NUGGC: variants seen among roughly 807,000 people sequenced by gnomAD.
NUGGC encodes nuclear GTPase, germinal center associated.
NUGGC carries 58 observed loss-of-function variants against 92.6 expected under a neutral mutation model. The ratio of observed to expected loss-of-function variants is 0.63; its 90% CI spans 0.51 to 0.78. NUGGC has a LOEUF of 0.78. NUGGC is among the 30% of genes least tolerant of loss of function. The pLI is 0.00. For missense variants in NUGGC, 925 were observed against 964.6 expected (o/e 0.96, Z 0.54); for synonymous variants, 376 against 366.4 (o/e 1.03, Z -0.30).
intron 1 of NUGGC, among the ~76,000 whole-genome samples, chr8:28,075,162 T>C (rs1810689385): frequency 6.6e-6 from 1 of 152,094 alleles, no homozygotes; most frequent in African/African-American, 2.4e-5. Flanking sequence ...ACATTAGATA[T>C]TCCTAGAGTT....
chr8:28,027,995 A>G (rs190061602), intron 17 of NUGGC, among the ~76,000 whole-genome samples: 1 of 152,326 alleles, frequency 6.6e-6, no homozygotes, highest in African/African-American at 2.4e-5. Flanking sequence ...TATGTATAAA[A>G]AGAAATTTCA....
chr8:28,031,737 G>A (rs939559989), intron 14 of NUGGC, among the ~76,000 whole-genome samples: 3 of 152,174 alleles, frequency 2.0e-5, no homozygotes, highest in Non-Finnish European at 4.4e-5. Flanking sequence ...TGAAAGGGTG[G>A]AACTTGAACT....
chr8:28,082,411 T>G (rs1196456993), intron 1 of NUGGC, among the ~76,000 whole-genome samples: 1 of 152,218 alleles, frequency 6.6e-6, no homozygotes, highest in Admixed American at 6.5e-5. Flanking sequence ...CCCAAGCTTG[T>G]TAAAGCTAAT....
intron 6 of NUGGC, among the ~76,000 whole-genome samples, chr8:28,066,003 T>A (rs199769838): frequency 6.6e-6 from 1 of 151,494 alleles, no homozygotes; most frequent in Non-Finnish European, 1.5e-5. Context: ...GTAGAAGGCC[T>A]TGATTCTAGG....
intron 6 of NUGGC, 110 bp downstream of exon 6, chr8:28,067,404 A>AT (rs1810463387): frequency 1.4e-6 from 1 of 711,126 alleles, no homozygotes; most frequent in South Asian, 1.9e-5. Context: ...GTAGCAACTT[A>AT]TTTCTTATTT....
chr8:28,049,775 G>T (rs1809941313), intron 10 of NUGGC, among the ~76,000 whole-genome samples: 1 of 152,198 alleles, frequency 6.6e-6, no homozygotes, highest in African/African-American at 2.4e-5. Flanking sequence ...TGAGAGAGGA[G>T]AAAACGTGGA....
In NUGGC at chr8:28,067,763, G is replaced by T. The variant is rs760659338; in HGVS notation, c.481-19C>A. The T allele has an allele frequency of 3.2e-6, 5 of 1,578,228 alleles. No homozygotes were observed. In the African/African-American group the frequency reaches 5.4e-5, roughly 17 times the overall value. ...TCCACTCCTGCCAAGGCAGAGTAGG[G>T]CCAAGCCCCTCTTGACACAGACACA... On this transcript the variant is annotated intron_variant, in intron 5 of 18. Transcript: ENST00000413272.
intron 9 of NUGGC, among the ~76,000 whole-genome samples, chr8:28,057,042 T>C (rs1431289636): frequency 2.0e-5 from 3 of 152,206 alleles, no homozygotes; most frequent in Non-Finnish European, 2.9e-5. Flanking sequence ...GCAGTTCTCA[T>C]GTATTTTTCA....
Position 28,023,200 on chromosome 8 carries a change from T to G in NUGGC, c.*117A>C. ...CTGCAGTGAGCTGTGATGGTGCCAC[T>G]GCACTCCAGCCTGGGCAACAGAGGT... On this transcript the variant is annotated 3_prime_UTR_variant, in exon 19 of 19. Transcript: ENST00000413272. 8.6e-7 allele frequency: 1 copy of G among 1,157,802 alleles called. No homozygotes were observed. Among genetic ancestry groups the G allele is most frequent in the Non-Finnish European group, 1.2e-6 (1 of 834,590 alleles). The allele number at this position is 1,157,802 out of a possible 1,614,324, so 71.7% of individuals were successfully genotyped here. A position where few individuals can be genotyped will look rare whatever the true frequency, so the allele number is the denominator to read the frequency against.
chr8:28,074,055 T>TCCCAAATTGCTGGGATTA (rs1810658540), intron 2 of NUGGC, among the ~76,000 whole-genome samples: 2 of 151,230 alleles, frequency 1.3e-5, no homozygotes, highest in South Asian at 4.2e-4. Context: ...CGCCTCAGCC[T>TCCCAAATTGCTGGGATTA]CCCAAATTGC....
chr8:28,043,696 T>C (rs1326974504), intron 12 of NUGGC, among the ~76,000 whole-genome samples: 1 of 152,260 alleles, frequency 6.6e-6, no homozygotes, highest in Non-Finnish European at 1.5e-5. Context: ...TGGGCACTTC[T>C]GGCCTTGATG....
intron 12 of NUGGC, among the ~76,000 whole-genome samples, chr8:28,042,616 C>T (rs1451176694): frequency 6.6e-6 from 1 of 152,150 alleles, no homozygotes; most frequent in Non-Finnish European, 1.5e-5. Flanking sequence ...CACCACAGCA[C>T]GTCTCCTGCC....
In NUGGC at chr8:28,028,026, T is replaced by C. The variant is rs531218221; in HGVS notation, c.2155-974A>G. Reference sequence around the variant, plus strand: ...TTTCACCCATTGTGTAGAACTAAAATATTTTAAAAAACTAAAAGTTAACTG... The same window carrying C: ...TTTCACCCATTGTGTAGAACTAAAACATTTTAAAAAACTAAAAGTTAACTG... On this transcript the variant is annotated intron_variant, in intron 17 of 18. Transcript: ENST00000413272. 2.0e-5 allele frequency among the ~76,000 whole-genome samples: 3 copies of C among 148,322 alleles called. No individual in the cohort carries two copies. In the South Asian group the frequency reaches 6.4e-4, roughly 32 times the overall value.
Position 28,058,267 on chromosome 8 carries a change from CT to C in NUGGC, c.1106del (p.Lys369ArgfsTer15). The C allele has an allele frequency of 3.9e-6, 2 of 508,268 alleles. No individual in the cohort carries two copies. The highest frequency in any genetic ancestry group is 3.9e-5 in the South Asian group (1 of 25,660). 31.5% of individuals were successfully genotyped at this position (508,268 alleles called of 1,614,324 possible). ...ACTAGTTCATACTTACATTTCCTGC[CT>C]TTCTTTCCCTGAAATGAAATTAGAA... is the stretch of plus-strand genomic sequence containing the variant. ...LHLPEYLRER[K>X]AGNQAIQSQR... is the part of the protein sequence containing the mutation. On this transcript the variant is annotated frameshift_variant, in exon 9 of 19. Transcript: ENST00000413272. LOFTEE classifies it high-confidence loss of function.
chr8:28,038,363 G>A (rs892231124), intron 13 of NUGGC, among the ~76,000 whole-genome samples: 15 of 152,174 alleles, frequency 9.9e-5, no homozygotes, highest in Non-Finnish European at 1.3e-4. Flanking sequence ...AAGAAAAACA[G>A]TTGATTTGTT....
intron 13 of NUGGC, among the ~76,000 whole-genome samples, chr8:28,038,497 A>G (rs945189053): frequency 3.3e-5 from 5 of 152,354 alleles, no homozygotes; most frequent in Admixed American, 3.3e-4. Flanking sequence ...TATACAGAGG[A>G]ACCTGAGGCA....
At chr8:28,069,236 G>C (rs1675162487) in intron 4 of NUGGC, among the ~76,000 whole-genome samples, 1 of 152,238 alleles carries the variant, frequency 6.6e-6, no homozygotes, top group East Asian at 1.9e-4. Flanking sequence ...CTGACTACTG[G>C]TGTGAGTTTG....
chr8:28,039,910 T>C (rs1809649488), intron 13 of NUGGC, among the ~76,000 whole-genome samples: 2 of 152,072 alleles, frequency 1.3e-5, no homozygotes, highest in Admixed American at 1.3e-4. Flanking sequence ...GTAATTAAGG[T>C]TAAATGGGGT....
intron 15 of NUGGC, among the ~76,000 whole-genome samples, chr8:28,030,703 C>G (rs1563214177): frequency 6.6e-6 from 1 of 152,084 alleles, no homozygotes; most frequent in Admixed American, 6.6e-5. Flanking sequence ...AATGGGCCCT[C>G]TCTGGGGGGC....
Sources: allele counts gnomAD v4.1 joint callset (sites outside exome capture counted in the v4.1 genomes callset), GRCh38; gene constraint gnomAD v4.1.1; transcripts MANE v1.5; gene names NCBI Gene and HGNC (gene_info 2026-07-23, HGNC 2026-07-21).